USP45: variants seen among roughly 807,000 people sequenced by gnomAD.
The protein encoded by USP45 is ubiquitin specific peptidase 45.
In USP45, 89 loss-of-function variants were observed where a neutral mutation model predicts 95.8. That is an observed-to-expected ratio of 0.93 (90% CI 0.78 to 1.11). USP45 has a LOEUF of 1.11. Among genes scored for constraint, USP45 ranks in the 50% least tolerant of loss-of-function variants. The pLI, the probability that USP45 is intolerant of heterozygous loss-of-function variation, is 0.00. For synonymous variants in USP45, 281 were observed against 316.2 expected (o/e 0.89, Z 1.18); for missense variants, 898 against 942.5 (o/e 0.95, Z 0.62).
At position 99,461,028 on chromosome 6, in the gene USP45, G is replaced by C. The variant is rs1258900955; in HGVS notation, c.1308+3576C>G. ...AAACGCTGCGCAGCTAACAGGTGGT[G>C]GGAACCAAAGTTCATGTAAATTGTA... On this transcript the variant is annotated intron_variant, in intron 13 of 17. Coordinates refer to ENST00000500704, the MANE Select transcript of USP45 (RefSeq NM_001346022.3). The C allele has an allele frequency of 3.0e-6, 3 of 985,122 alleles. No homozygotes were observed. The Admixed American group carries it at 1.8e-4, about 61-fold the overall frequency. The allele number at this position is 985,122 out of a possible 1,614,324, so 61.0% of individuals were successfully genotyped here.
At chr6:99,437,166 AAAT>A (rs1407647935) in intron 17 of USP45, 77 bp downstream of exon 17, 4 of 1,418,176 alleles carry the variant, frequency 2.8e-6, no homozygotes, top group East Asian at 4.7e-5. Flanking sequence ...GGCATCTATG[AAAT>A]AATAACTTAG....
In USP45 at chr6:99,492,070, C is replaced by G. The variant is rs567108734; in HGVS notation, c.479-3250G>C. Among the ~76,000 whole-genome samples the G allele has an allele frequency of 3.9e-5, 6 of 152,364 alleles. No individual in the cohort carries two copies. In the East Asian group the frequency reaches 9.6e-4, roughly 24 times the overall value. On this transcript the variant is annotated intron_variant, in intron 5 of 17. Coordinates refer to ENST00000500704, the MANE Select transcript of USP45 (RefSeq NM_001346022.3). ...TAAAAACCATAATATGCAAATGTAT[C>G]TGTGTGCCACATTTATCCAACAGTT...
intron 11 of USP45, 138 bp from the exon 12 acceptor site, chr6:99,465,274 T>A: frequency 1.8e-6 from 1 of 550,992 alleles, no homozygotes; most frequent in South Asian, 3.9e-5. Context: ...AATAGCAATT[T>A]AATTGGGTAT....
rs1485700617 is a variant in USP45 at position 99,434,997 on chromosome 6, T to G, written c.*719A>C. On this transcript the variant is annotated 3_prime_UTR_variant, in exon 18 of 18. Coordinates refer to ENST00000500704, the MANE Select transcript of USP45 (RefSeq NM_001346022.3). ...AGGTAATAAGCTAACCAGCAGATTA[T>G]TTGTAAACCCACACTACTGAAATTA... The G allele has an allele frequency of 6.6e-6, 1 of 152,620 alleles. No homozygotes were observed. Among genetic ancestry groups the G allele is most frequent in the East Asian group, 1.9e-4 (1 of 5,206 alleles). The allele number at this position is 152,620 out of a possible 1,614,324, so 9.5% of individuals were successfully genotyped here. A position where few individuals can be genotyped will look rare whatever the true frequency, so the allele number is the denominator to read the frequency against.
chr6:99,489,784 T>TAA (rs1271481400), intron 5 of USP45, among the ~76,000 whole-genome samples: 1 of 151,888 alleles, frequency 6.6e-6, no homozygotes, highest in African/African-American at 2.4e-5. Context: ...CCGTCTCTAC[T>TAA]AAAAATACAA....
At chr6:99,479,010 AAC>A in intron 8 of USP45, among the ~76,000 whole-genome samples, 1 of 120,736 alleles carries the variant, frequency 8.3e-6, no homozygotes, top group African/African-American at 2.8e-5. Flanking sequence ...CTATTGCAAC[AAC>A]AAAAAAAAAA....
At chr6:99,452,606 G>C (rs1784138797) in intron 13 of USP45, among the ~76,000 whole-genome samples, 1 of 152,218 alleles carries the variant, frequency 6.6e-6, no homozygotes, top group African/African-American at 2.4e-5. Flanking sequence ...AACTATTGTG[G>C]AAGACAGCGT....
At chr6:99,453,025 T>A (rs1466129024) in intron 13 of USP45, among the ~76,000 whole-genome samples, 3 of 151,856 alleles carry the variant, frequency 2.0e-5, no homozygotes, top group East Asian at 1.9e-4. Flanking sequence ...AGGAGCCTGT[T>A]GTGGGGTGGC....
chr6:99,500,957 A>C (rs943949222), intron 5 of USP45, among the ~76,000 whole-genome samples: 1 of 152,222 alleles, frequency 6.6e-6, no homozygotes, highest in Non-Finnish European at 1.5e-5. Context: ...ACACTGGGCT[A>C]TAGAAAACAC....
At chr6:99,458,064 A>C (rs112484342) in intron 13 of USP45, among the ~76,000 whole-genome samples, 3,913 of 152,312 alleles carry the variant, frequency 0.026, 96 homozygotes, top group Non-Finnish European at 0.037. Flanking sequence ...TCTGTTGCCC[A>C]GGCTGGAGTG....
chr6:99,507,367 GA>G lies in USP45; in HGVS notation c.377+60del, dbSNP rs11410603. The G allele has an allele frequency of 1.2e-3, 962 of 788,816 alleles. 1 individual carries two copies. Among genetic ancestry groups the G allele is most frequent in the African/African-American group, 1.7e-3 (98 of 56,318 alleles). 48.9% of individuals were successfully genotyped at this position (788,816 alleles called of 1,614,324 possible). A position where few individuals can be genotyped will look rare whatever the true frequency, so the allele number is the denominator to read the frequency against. ...AAATATTTTACCTTAAAAGCTTAAA[GA>G]AAAAAAAAAATTGGGGGGCTGTGGT... On this transcript the variant is annotated intron_variant, in intron 4 of 17. Coordinates refer to ENST00000500704, the MANE Select transcript of USP45 (RefSeq NM_001346022.3).
At chr6:99,516,876 G>A (rs542039601), upstream of USP45, among the ~76,000 whole-genome samples, 9 of 152,246 alleles carry the variant, frequency 5.9e-5, no homozygotes, top group African/African-American at 2.2e-4. Flanking sequence ...TGGAAACCCA[G>A]TTTATGATTG....
chr6:99,516,322 G>A (rs1241276771), upstream of USP45, among the ~76,000 whole-genome samples: 1 of 152,186 alleles, frequency 6.6e-6, no homozygotes, highest in Non-Finnish European at 1.5e-5. Context: ...CATGGATATT[G>A]CAAATGCCAA....
chr6:99,472,669 C>T (rs1319429859), intron 9 of USP45, among the ~76,000 whole-genome samples: 2 of 152,096 alleles, frequency 1.3e-5, no homozygotes, highest in African/African-American at 4.8e-5. Flanking sequence ...ATTTATTGTT[C>T]ACAATACAAA....
chr6:99,515,070 G>A (rs1162911284), intron 1 of USP45: 2 of 152,380 alleles, frequency 1.3e-5, no homozygotes, highest in African/African-American at 2.4e-5. Context: ...AGGATGTGAA[G>A]AGAAATGCGC....
chr6:99,448,780 G>A (rs1783130694), intron 13 of USP45, among the ~76,000 whole-genome samples: 1 of 152,152 alleles, frequency 6.6e-6, no homozygotes, highest in African/African-American at 2.4e-5. Flanking sequence ...CAGAGAGAAA[G>A]GTCAGGTTAC....
At chr6:99,486,742 G>A (rs1312542344) in intron 7 of USP45, among the ~76,000 whole-genome samples, 1 of 151,980 alleles carries the variant, frequency 6.6e-6, no homozygotes, top group Admixed American at 6.6e-5. Flanking sequence ...AGATTACTAA[G>A]CATGTTTAGA....
At chr6:99,482,453 G>A in intron 8 of USP45, 3 of 296,684 alleles carry the variant, frequency 1.0e-5, no homozygotes, top group Non-Finnish European at 6.1e-6. Flanking sequence ...TCACTTTATG[G>A]TATTACAACA....
Position 99,446,438 on chromosome 6 carries a change from C to T in USP45, c.1334G>A (p.Cys445Tyr), listed in dbSNP as rs1249030703. The T allele has an allele frequency of 1.2e-6, 2 of 1,613,232 alleles. No homozygotes were observed. Among genetic ancestry groups the T allele is most frequent in the Admixed American group, 1.7e-5 (1 of 59,892 alleles). ...DKSQLIHDRK[C>Y]IRKLSSGETV... ...TTCTCCAGATGACAATTTTCTAATA[C>T]ATTTTCGGTCATGAATTAGTTGACT... Residue 445 changes from cysteine (C) to tyrosine (Y), a missense_variant, in exon 14 of 18, where the codon TGT becomes TAT. Transcript: ENST00000500704.
Sources: allele counts gnomAD v4.1 joint callset (sites outside exome capture counted in the v4.1 genomes callset), GRCh38; gene constraint gnomAD v4.1.1; transcripts MANE v1.5; gene names NCBI Gene and HGNC (gene_info 2026-07-23, HGNC 2026-07-21).